Variants in FANCB observed in about 807,000 individuals in gnomAD.
FANCB encodes the protein FA complementation group B, also known as Fanconi anemia group B protein.
A neutral mutation model predicts 38.9 loss-of-function variants in FANCB; 5 were observed. The observed-to-expected ratio is 0.13, with a 90% confidence interval of 0.07 to 0.27. The LOEUF is 0.27. FANCB is among the 10% of genes least tolerant of loss of function. FANCB has a pLI of 1.00. For synonymous variants in FANCB, 236 were observed against 215.4 expected (o/e 1.10, Z -0.84); for missense variants, 573 against 602.7 (o/e 0.95, Z 0.52).
Position 14,843,553 on chromosome X carries a change from A to G in FANCB, c.*14T>C, listed in dbSNP as rs2375726. 5,215 of 1,133,034 alleles carry G rather than the reference A, an allele frequency of 4.6e-3. 152 individuals are homozygous for G. The African/African-American group carries it at 0.081, about 18-fold the overall frequency. 93.4% of individuals were successfully genotyped at this position (1,133,034 alleles called of 1,213,427 possible). ...GAAAACATATTTTAAAATATGATCA[A>G]ATTGAAATTATAATTATAAATTACT... On this transcript the variant is annotated 3_prime_UTR_variant, in exon 10 of 10. Transcript: ENST00000650831.
the FANCB span, among the ~76,000 whole-genome samples, chrX:14,693,500 A>G: frequency 8.9e-6 from 1 of 112,129 alleles, no homozygotes; most frequent in Non-Finnish European, 1.9e-5. Flanking sequence ...TAAAGAAGAA[A>G]TAGACAAACT....
chrX:14,795,934 T>A, the FANCB span, among the ~76,000 whole-genome samples: 8 of 111,858 alleles, frequency 7.2e-5, no homozygotes, highest in South Asian at 1.8e-3. Context: ...GCACTACAGA[T>A]CTGTTGCTTC....
At chrX:14,748,397 T>C in the FANCB span, among the ~76,000 whole-genome samples, 1 of 111,930 alleles carries the variant, frequency 8.9e-6, no homozygotes, top group Non-Finnish European at 1.9e-5. Context: ...TGAGAGACTC[T>C]GAGACAGGGG....
At chrX:14,825,325 G>A in the FANCB span, among the ~76,000 whole-genome samples, 51 of 111,122 alleles carry the variant, frequency 4.6e-4, no homozygotes, top group African/African-American at 1.6e-3. Flanking sequence ...CTTTTCCTCT[G>A]GGGCTTCAAT....
intron 5 of FANCB, 149 bp from the exon 6 acceptor site, chrX:14,853,316 G>C: frequency 4.1e-6 from 2 of 482,824 alleles, no homozygotes; most frequent in South Asian, 3.9e-5. Flanking sequence ...AAACAGTTTT[G>C]TTTATAGATT....
Position 14,844,630 on chromosome X carries a change from T to C in FANCB, c.2038A>G (p.Met680Val), listed in dbSNP as rs2092368162. 8.3e-7 allele frequency: 1 copy of C among 1,209,166 alleles called. No individual in the cohort carries two copies. The highest frequency in any genetic ancestry group is 1.1e-6 in the Non-Finnish European group (1 of 893,153). ...AATTCTTTGATTATTTCACATTTCA[T>C]ATGTTCTAAGAGCCACACCTTCATT... ...NSMKVWLLEH[M>V]KCEIIKEFPE... is the part of the protein sequence containing the mutation. The change falls in exon 9 of 10, where the codon ATG (methionine) becomes GTG (valine). Residue 680 changes from methionine (M) to valine (V), a missense_variant. Physicochemically the swap from Met to Val is conservative, Grantham distance 21. Transcript: ENST00000650831.
chrX:14,779,467 C>T, the FANCB span, among the ~76,000 whole-genome samples: 2 of 111,585 alleles, frequency 1.8e-5, no homozygotes, highest in Non-Finnish European at 3.8e-5. Context: ...GAGGGCTCCT[C>T]CCTCATGACT....
At chrX:14,755,156 TAATAAAGGCC>T in the FANCB span, among the ~76,000 whole-genome samples, 1 of 111,777 alleles carries the variant, frequency 8.9e-6, no homozygotes, top group Non-Finnish European at 1.9e-5. Flanking sequence ...TACCTCAACG[TAATAAAGGCC>T]ACATGTGACA....
chrX:14,721,820 G>A, the FANCB span, among the ~76,000 whole-genome samples: 1 of 111,494 alleles, frequency 9.0e-6, no homozygotes, highest in African/African-American at 3.3e-5. Context: ...GCAGCTAAAA[G>A]CCAAGCAGCA....
chrX:14,774,422 T>G, the FANCB span, among the ~76,000 whole-genome samples: 1 of 112,297 alleles, frequency 8.9e-6, no homozygotes, highest in Non-Finnish European at 1.9e-5. Flanking sequence ...TAGCATATGA[T>G]AGAAGGGGGC....
chrX:14,809,959 C>G, the FANCB span, among the ~76,000 whole-genome samples: 1 of 111,943 alleles, frequency 8.9e-6, no homozygotes, highest in South Asian at 3.7e-4. Context: ...ACACCTCACA[C>G]GGCCGGGTAC....
the FANCB span, among the ~76,000 whole-genome samples, chrX:14,813,076 C>A: frequency 9.6e-6 from 1 of 104,246 alleles, no homozygotes; most frequent in Non-Finnish European, 1.9e-5. Context: ...ACATGATTAT[C>A]TCAATAGATG....
At chrX:14,872,708 T>A (rs368692285) in intron 1 of FANCB, among the ~76,000 whole-genome samples, 71 of 97,699 alleles carry the variant, frequency 7.3e-4, no homozygotes, top group African/African-American at 2.7e-3. Flanking sequence ...ACGCTTTTTT[T>A]AACTTTATAT....
intron 7 of FANCB, among the ~76,000 whole-genome samples, chrX:14,849,154 A>C (rs1601982794): frequency 8.9e-6 from 1 of 112,374 alleles, no homozygotes; most frequent in African/African-American, 3.2e-5. Context: ...GAAAATTTCA[A>C]GCCAATTTCA....
the FANCB span, among the ~76,000 whole-genome samples, chrX:14,732,617 C>A: frequency 8.9e-6 from 1 of 112,408 alleles, no homozygotes; most frequent in African/African-American, 3.2e-5. Context: ...TTTTGATCTG[C>A]ATTTCTCTAA....
chrX:14,704,512 T>C, the FANCB span, among the ~76,000 whole-genome samples: 2 of 112,598 alleles, frequency 1.8e-5, no homozygotes, highest in Non-Finnish European at 3.7e-5. Flanking sequence ...ACATCAGAGA[T>C]GTGGGTTTGC....
At chrX:14,798,472 T>C in the FANCB span, among the ~76,000 whole-genome samples, 3 of 112,525 alleles carry the variant, frequency 2.7e-5, no homozygotes, top group Non-Finnish European at 5.6e-5. Flanking sequence ...TTCAAAATGC[T>C]TTTCTTAACA....
the FANCB span, among the ~76,000 whole-genome samples, chrX:14,766,751 T>C: frequency 9.0e-6 from 1 of 110,523 alleles, no homozygotes; most frequent in Non-Finnish European, 1.9e-5. Context: ...TAGGTAAACA[T>C]GTGCCATGGT....
chrX:14,759,256 C>T, the FANCB span, among the ~76,000 whole-genome samples: 1 of 111,340 alleles, frequency 9.0e-6, no homozygotes, highest in African/African-American at 3.3e-5. Context: ...AATTGGAGTT[C>T]CTGAGGGAGA....
Sources: gnomAD v4.1 joint callset for allele counts (sites outside exome capture counted in the v4.1 genomes callset) on GRCh38, gnomAD v4.1.1 for gene constraint, MANE v1.5 for transcripts, NCBI Gene and HGNC (gene_info 2026-07-23, HGNC 2026-07-21) for gene names.